The following GPC6 variants were observed in gnomAD, a reference collection of about 807,000 sequenced individuals.
GPC6 encodes the protein glypican-6.
In GPC6, 14 loss-of-function variants were observed where a neutral mutation model predicts 55.2. The observed-to-expected ratio is 0.25, with a 90% CI of 0.17 to 0.40. GPC6 has a LOEUF of 0.40. GPC6 is among the 10% of genes least tolerant of loss of function. GPC6 has a pLI of 1.00. For synonymous variants in GPC6, 278 were observed against 259.6 expected (o/e 1.07, Z -0.68); for missense variants, 641 against 708.5 (o/e 0.90, Z 1.08).
chr13:93,948,275 C>T (rs183015713), intron 3 of GPC6, among the ~76,000 whole-genome samples: 317 of 152,212 alleles, frequency 2.1e-3, no homozygotes, highest in Non-Finnish European at 3.8e-3. Flanking sequence ...AATACATATT[C>T]ATGTAGTATA....
At chr13:93,430,291 TAGAG>T (rs1330291973) in intron 1 of GPC6, among the ~76,000 whole-genome samples, 5 of 152,058 alleles carry the variant, frequency 3.3e-5, no homozygotes, top group African/African-American at 9.6e-5. Flanking sequence ...GTATTAAGAA[TAGAG>T]AGAGTTCCTT....
chr13:93,765,310 T>TAAGCTGTCTGGAAAGAGAAC (rs1361108806), intron 2 of GPC6, among the ~76,000 whole-genome samples: 1 of 38,418 alleles, frequency 2.6e-5, no homozygotes. Flanking sequence ...AGACAACTTA[T>TAAGCTGTCTGGAAAGAGAAC]TTGGTTTAAG....
intron 1 of GPC6, among the ~76,000 whole-genome samples, chr13:93,498,725 G>A (rs1275700288): frequency 6.6e-6 from 1 of 152,074 alleles, no homozygotes; most frequent in Non-Finnish European, 1.5e-5. Context: ...TTTGTTCCCA[G>A]TTTCGGTTAT....
At chr13:93,307,292 T>C (rs1052225500) in intron 1 of GPC6, among the ~76,000 whole-genome samples, 5 of 152,108 alleles carry the variant, frequency 3.3e-5, no homozygotes, top group Admixed American at 1.3e-4. Flanking sequence ...CTGTGAAAAG[T>C]GAATCATGTA....
chr13:93,993,210 T>C (rs1881388197), intron 3 of GPC6, among the ~76,000 whole-genome samples: 1 of 152,144 alleles, frequency 6.6e-6, no homozygotes, highest in African/African-American at 2.4e-5. Context: ...GCCATGTAAA[T>C]AGATGTATTT....
intron 1 of GPC6, among the ~76,000 whole-genome samples, chr13:93,402,241 T>C (rs1257525744): frequency 1.3e-5 from 2 of 152,148 alleles, no homozygotes; most frequent in East Asian, 3.9e-4. Flanking sequence ...CTGCTTTTTT[T>C]CCACTATGAG....
chr13:94,337,362 TA>T (rs1299020888), intron 6 of GPC6, among the ~76,000 whole-genome samples: 1 of 152,158 alleles, frequency 6.6e-6, no homozygotes, highest in Non-Finnish European at 1.5e-5. Context: ...ACAACCTGGT[TA>T]GGGGTGAGGG....
rs115897608 is a variant in GPC6, at chr13:94,341,092, A to G, written c.1152+34969A>G. On this transcript the variant is annotated intron_variant, in intron 6 of 8. Transcript: ENST00000377047. ...CAGGTTATCATTATTGAACGACAAGATAAAATAATAGCTAATAGCTAATAT... is the reference window on the plus strand; with the variant it reads ...CAGGTTATCATTATTGAACGACAAGGTAAAATAATAGCTAATAGCTAATAT... 3.9e-3 allele frequency among the ~76,000 whole-genome samples: 593 copies of G among 152,370 alleles called. 4 individuals are homozygous for G. Among genetic ancestry groups the G allele is most frequent in the African/African-American group, 0.014 (563 of 41,580 alleles).
intron 1 of GPC6, among the ~76,000 whole-genome samples, chr13:93,362,013 G>A (rs570096802): frequency 6.6e-6 from 1 of 152,330 alleles, no homozygotes; most frequent in South Asian, 2.1e-4. Flanking sequence ...TGAATTGTTA[G>A]TTGAAGGAGA....
intron 1 of GPC6, among the ~76,000 whole-genome samples, chr13:93,237,793 G>C (rs1876289345): frequency 6.6e-6 from 1 of 151,870 alleles, no homozygotes; most frequent in Admixed American, 6.6e-5. Context: ...TGACTAGACA[G>C]TTTTCTCAGG....
intron 5 of GPC6, among the ~76,000 whole-genome samples, chr13:94,288,872 T>TATATATAACTA (rs1874733351): frequency 6.8e-5 from 2 of 29,262 alleles, no homozygotes; most frequent in South Asian, 1.0e-3. Flanking sequence ...ATATATTTGT[T>TATATATAACTA]ATATATATAA....
At chr13:93,977,440 T>G (rs901160870) in intron 3 of GPC6, among the ~76,000 whole-genome samples, 4 of 150,918 alleles carry the variant, frequency 2.7e-5, no homozygotes, top group Admixed American at 1.3e-4. Flanking sequence ...CCAAATTGGT[T>G]TTCTATGATT....
chr13:94,117,321 T>A (rs570003723), intron 4 of GPC6, among the ~76,000 whole-genome samples: 1 of 152,246 alleles, frequency 6.6e-6, no homozygotes, highest in South Asian at 2.1e-4. Flanking sequence ...TCCTGAATAA[T>A]AATTCTATGT....
In GPC6 at chr13:93,238,487, T is replaced by C. The variant is rs564768202; in HGVS notation, c.160+10871T>C. Among the ~76,000 whole-genome samples, 7 of 140,344 alleles carry C rather than the reference T, an allele frequency of 5.0e-5. No homozygotes were observed. In the East Asian group the frequency reaches 1.5e-3, roughly 31 times the overall value. 92.1% of individuals were successfully genotyped at this position (140,344 alleles called of 152,430 possible). A position where few individuals can be genotyped will look rare whatever the true frequency, so the allele number is the denominator to read the frequency against. On this transcript the variant is annotated intron_variant, in intron 1 of 8. Transcript: ENST00000377047. Reference sequence around the variant, plus strand: ...TCCAGTAGTCTTTTGGAGGAGTCTTTAGGGTTTTTTTAGGTATAGGAACAT... The same window carrying C: ...TCCAGTAGTCTTTTGGAGGAGTCTTCAGGGTTTTTTTAGGTATAGGAACAT...
At chr13:94,197,480 G>C (rs1242565670) in intron 4 of GPC6, among the ~76,000 whole-genome samples, 1 of 152,156 alleles carries the variant, frequency 6.6e-6, no homozygotes, top group African/African-American at 2.4e-5. Context: ...TCTGGGAAGG[G>C]TTCTCCACCT....
intron 5 of GPC6, among the ~76,000 whole-genome samples, chr13:94,303,765 CAAAAAAAA>C (rs11300129): frequency 0.033 from 3,205 of 98,310 alleles, 53 homozygotes; most frequent in African/African-American, 0.043. Context: ...TAACTCCCTC[CAAAAAAAA>C]AAAAAAAAAA....
At chr13:93,327,164 C>T (rs573128002) in intron 1 of GPC6, among the ~76,000 whole-genome samples, 2 of 152,246 alleles carry the variant, frequency 1.3e-5, no homozygotes, top group South Asian at 4.1e-4. Context: ...TATGTAGTAA[C>T]TAGGCGTTTG....
intron 1 of GPC6, among the ~76,000 whole-genome samples, chr13:93,401,837 C>A (rs2813608): frequency 0.52 from 79,015 of 151,422 alleles, 22,639 homozygotes; most frequent in Non-Finnish European, 0.66. Context: ...TCCATTAACA[C>A]GGAGCACTAG....
intron 1 of GPC6, among the ~76,000 whole-genome samples, chr13:93,494,956 A>AT (rs983560492): frequency 6.4e-5 from 9 of 141,732 alleles, no homozygotes; most frequent in African/African-American, 2.4e-4. Flanking sequence ...TGCCCTTAAC[A>AT]TTTTTTCCTT....
Sources: allele counts gnomAD v4.1 joint callset (sites outside exome capture counted in the v4.1 genomes callset), GRCh38; gene constraint gnomAD v4.1.1; transcripts MANE v1.5; gene names NCBI Gene and HGNC (gene_info 2026-07-23, HGNC 2026-07-21).